Variants in KIAA0319L observed in about 807,000 individuals in gnomAD.
KIAA0319L encodes the protein dyslexia-associated protein KIAA0319-like protein.
In KIAA0319L, 55 loss-of-function variants were observed where a neutral mutation model predicts 120.1. That is an observed-to-expected ratio of 0.46 (90% CI 0.37 to 0.57). The LOEUF (loss-of-function observed/expected upper bound fraction) is 0.57. Among genes scored for constraint, KIAA0319L ranks in the 20% least tolerant of loss-of-function variants. The pLI is 0.00. For synonymous variants in KIAA0319L, 398 were observed against 471.9 expected (o/e 0.84, Z 2.03); for missense variants, 1,049 against 1,255.3 (o/e 0.84, Z 2.48).
At chr1:35,468,370 C>G (rs1244866989) in intron 6 of KIAA0319L, among the ~76,000 whole-genome samples, 1 of 152,100 alleles carries the variant, frequency 6.6e-6, no homozygotes, top group African/African-American at 2.4e-5. Flanking sequence ...ACTCTGCACA[C>G]TCTCCCTGGT....
rs532214429 is a variant in KIAA0319L at position 35,479,229 on chromosome 1, A to G, written c.667-17T>C. 1 of 1,602,024 alleles carries G rather than the reference A, an allele frequency of 6.2e-7. No individual in the cohort carries two copies. Among genetic ancestry groups the G allele is most frequent in the East Asian group, 2.2e-5 (1 of 44,744 alleles). On this transcript the variant is annotated splice_polypyrimidine_tract_variant and intron_variant, in intron 3 of 20. Transcript: ENST00000325722. ...CTTGTGGACCTAAAGAAATAAAAAA[A>G]CTAATTTGAGTAGGTAAAAGTTACA... is the stretch of plus-strand genomic sequence containing the variant.
chr1:35,442,877 G>A (rs762171587), intron 18 of KIAA0319L, 29 bp downstream of exon 18: 26 of 1,613,766 alleles, frequency 1.6e-5, no homozygotes, highest in Non-Finnish European at 2.1e-5. Context: ...CGCCAAACAG[G>A]CTGGCACTGT....
At chr1:35,540,740 T>C (rs917342577) in intron 2 of KIAA0319L, among the ~76,000 whole-genome samples, 7 of 152,194 alleles carry the variant, frequency 4.6e-5, no homozygotes, top group African/African-American at 1.7e-4. Flanking sequence ...CCCAGGATTC[T>C]GCAAAGAAGA....
chr1:35,488,599 TAAATAAAAG>T (rs1481770456), intron 3 of KIAA0319L, among the ~76,000 whole-genome samples: 1 of 152,084 alleles, frequency 6.6e-6, no homozygotes, highest in East Asian at 1.9e-4. Flanking sequence ...GAAGAACATG[TAAATAAAAG>T]AAATAGTAAT....
chr1:35,451,795 G>C lies in KIAA0319L; in HGVS notation c.1914-19C>G, dbSNP rs752259795. 6 of 1,613,738 alleles carry C rather than the reference G, an allele frequency of 3.7e-6. No individual in the cohort carries two copies. Among genetic ancestry groups the C allele is most frequent in the Non-Finnish European group, 5.1e-6 (6 of 1,179,798 alleles). On this transcript the variant is annotated intron_variant, in intron 12 of 20. Coordinates refer to ENST00000325722, the MANE Select transcript of KIAA0319L (RefSeq NM_024874.5). ...AGGTCCCCTGCAAAAAAAGAAACTAGAGGGTAGAGTTGTACCTGTCTGCTG... is the reference window on the plus strand; with the variant it reads ...AGGTCCCCTGCAAAAAAAGAAACTACAGGGTAGAGTTGTACCTGTCTGCTG...
chr1:35,521,748 G>A (rs1289143816), intron 2 of KIAA0319L, among the ~76,000 whole-genome samples: 3 of 151,412 alleles, frequency 2.0e-5, no homozygotes, highest in Non-Finnish European at 1.5e-5. Context: ...CAAGGTGGGC[G>A]GATCACGAGG....
chr1:35,484,786 ATATAT>A (rs1318575203), intron 3 of KIAA0319L, among the ~76,000 whole-genome samples: 2 of 61,928 alleles, frequency 3.2e-5, no homozygotes, highest in East Asian at 7.5e-4. Flanking sequence ...ATATATATAT[ATATAT>A]ATATATATAT....
chr1:35,453,710 G>A lies in KIAA0319L; in HGVS notation c.1781-21C>T. 6.2e-7 allele frequency: 1 copy of A among 1,607,846 alleles called. No individual in the cohort carries two copies. Among genetic ancestry groups the A allele is most frequent in the Non-Finnish European group, 8.5e-7 (1 of 1,176,242 alleles). ...GTTTTCTGGAAGACAAAGAGTTAGA[G>A]GTCAAAAGCAGCCAGTCCAGGTGGG... is the stretch of plus-strand genomic sequence containing the variant. On this transcript the variant is annotated intron_variant, in intron 11 of 20. Transcript: ENST00000325722. This position sits in a 1 kb window ranked among gnomAD's most constrained non-coding sequence, Gnocchi z 4.1.
chr1:35,493,000 A>G (rs1336424404), intron 3 of KIAA0319L, among the ~76,000 whole-genome samples: 1 of 152,216 alleles, frequency 6.6e-6, no homozygotes, highest in African/African-American at 2.4e-5. Context: ...CTCCACAAAA[A>G]GTAAAAATAT....
Position 35,462,615 on chromosome 1 carries a change from A to G in KIAA0319L, c.1294+6T>C. 6.3e-7 allele frequency: 1 copy of G among 1,597,770 alleles called. No individual in the cohort carries two copies. ...TCTAAAACATCATACTTAGACAAGT[A>G]CTCACGACTGCCATCAATGACTGTA... On this transcript the variant is annotated splice_donor_region_variant and intron_variant, in intron 8 of 20. Transcript: ENST00000325722.
Position 35,506,647 on chromosome 1 carries a change from C to T in KIAA0319L, c.631G>A (p.Glu211Lys), listed in dbSNP as rs890576386. Reference sequence around the variant, plus strand: ...CCACTGGTAGTCAGACCACCTAATTCGTTGGAGTCATTCACTTTAGAATGC... The same window carrying T: ...CCACTGGTAGTCAGACCACCTAATTTGTTGGAGTCATTCACTTTAGAATGC... Reference protein sequence around the residue: ...TQHSKVNDSNELGGLTTSGSA... With the variant: ...TQHSKVNDSNKLGGLTTSGSA... Residue 211 changes from glutamate to lysine, a missense_variant, in exon 3 of 21, where the codon GAA (glutamate) becomes AAA (lysine). Physicochemically the swap from Glu to Lys is moderately conservative, Grantham distance 56. Transcript: ENST00000325722. This position sits in a 1 kb window ranked among gnomAD's most constrained non-coding sequence, Gnocchi z 4.0. 8.1e-6 allele frequency: 13 copies of T among 1,613,862 alleles called. No homozygotes were observed. Among genetic ancestry groups the T allele is most frequent in the Admixed American group, 5.0e-5 (3 of 59,994 alleles).
At chr1:35,552,681 C>G (rs1442017329) in intron 2 of KIAA0319L, among the ~76,000 whole-genome samples, 1 of 152,152 alleles carries the variant, frequency 6.6e-6, no homozygotes, top group East Asian at 1.9e-4. Flanking sequence ...GCAATCCCAG[C>G]TATTCAGTAG....
intron 6 of KIAA0319L, among the ~76,000 whole-genome samples, 191 bp from the exon 7 acceptor site, chr1:35,466,886 G>A (rs528338065): frequency 2.6e-4 from 40 of 152,280 alleles, no homozygotes; most frequent in Admixed American, 1.9e-3. Context: ...GAGTTCCTGA[G>A]TTCAAGACCA....
intron 5 of KIAA0319L, among the ~76,000 whole-genome samples, chr1:35,472,181 G>A (rs1214838359): frequency 2.0e-5 from 3 of 152,216 alleles, no homozygotes; most frequent in African/African-American, 7.2e-5. Context: ...AAGCTCAGGG[G>A]ATGAATTATG....
chr1:35,539,163 C>T (rs1266430376), intron 2 of KIAA0319L, among the ~76,000 whole-genome samples: 1 of 152,182 alleles, frequency 6.6e-6, no homozygotes, highest in Non-Finnish European at 1.5e-5. Context: ...CACTTCCTCT[C>T]CACTGACAGA....
At chr1:35,494,306 G>A (rs1401331870) in intron 3 of KIAA0319L, among the ~76,000 whole-genome samples, 3 of 151,662 alleles carry the variant, frequency 2.0e-5, no homozygotes, top group African/African-American at 4.8e-5. Flanking sequence ...AAAATTAGCC[G>A]GGCATGGTGG....
intron 2 of KIAA0319L, among the ~76,000 whole-genome samples, chr1:35,542,273 A>G (rs971222240): frequency 6.6e-6 from 1 of 152,170 alleles, no homozygotes; most frequent in African/African-American, 2.4e-5. Flanking sequence ...TGTCATTTCC[A>G]TTTTATAGAT....
rs1640911586 is a variant in KIAA0319L, at chr1:35,437,900, T to G, written c.2963-2819A>C. ...CCAGTCACTGCATCAGAGGTTCTGATTCTGTCAACAGCACTATCATTCTCC... is the reference window on the plus strand; with the variant it reads ...CCAGTCACTGCATCAGAGGTTCTGAGTCTGTCAACAGCACTATCATTCTCC... On this transcript the variant is annotated intron_variant, in intron 20 of 20. Transcript: ENST00000325722. This position sits in a 1 kb window ranked among gnomAD's most constrained non-coding sequence, Gnocchi z 4.1. Among the ~76,000 whole-genome samples, 1 of 152,168 alleles carries G rather than the reference T, an allele frequency of 6.6e-6. No individual in the cohort carries two copies.
intron 9 of KIAA0319L, among the ~76,000 whole-genome samples, chr1:35,458,539 A>G (rs1642658847): frequency 6.6e-6 from 1 of 152,196 alleles, no homozygotes; most frequent in Non-Finnish European, 1.5e-5. Context: ...CTCATACCCC[A>G]TCCACTAAAA....
Sources: allele counts gnomAD v4.1 joint callset (sites outside exome capture counted in the v4.1 genomes callset), GRCh38; gene constraint gnomAD v4.1.1; non-coding constraint Gnocchi (gnomAD v3.1); transcripts MANE v1.5; gene names NCBI Gene and HGNC (gene_info 2026-07-23, HGNC 2026-07-21).